The following MYCBPAP variants were observed in gnomAD, a reference collection of about 807,000 sequenced individuals.
The protein encoded by MYCBPAP is MYCBP-associated protein.
In MYCBPAP, 60 loss-of-function variants were observed where a neutral mutation model predicts 106.1. The ratio of observed to expected loss-of-function variants is 0.57; its 90% CI spans 0.46 to 0.70. The LOEUF is 0.70. Among genes scored for constraint, MYCBPAP ranks in the 30% least tolerant of loss-of-function variants. The pLI, the probability that MYCBPAP is intolerant of heterozygous loss-of-function variation, is 0.00. For synonymous variants in MYCBPAP, 407 were observed against 440.6 expected (o/e 0.92, Z 0.95); for missense variants, 1,064 against 1,169.3 (o/e 0.91, Z 1.31).
chr17:50,509,387 T>G (rs1421404589), intron 1 of MYCBPAP: 4 of 474,522 alleles, frequency 8.4e-6, no homozygotes, highest in Non-Finnish European at 1.5e-5. Flanking sequence ...CTCTACAGCT[T>G]TCTTCTGGTT....
Position 50,526,255 on chromosome 17 carries a change from G to A in MYCBPAP, c.2157G>A (p.Glu719=), listed in dbSNP as rs750871422. 7 of 1,605,372 alleles carry A rather than the reference G, an allele frequency of 4.4e-6. No individual in the cohort carries two copies. The East Asian group carries it at 8.9e-5, about 20-fold the overall frequency. ...LPLLEWNLCL[E]DFRKAVMVLP... is the part of the protein sequence containing the mutation. ...TGCTGGAGTGGAACCTCTGCTTGGAGGACTTCAGAAAGGTGCTTCCAAGAC... is the reference window on the plus strand; with the variant it reads ...TGCTGGAGTGGAACCTCTGCTTGGAAGACTTCAGAAAGGTGCTTCCAAGAC... The change falls in exon 14 of 19, where the codon GAG becomes GAA. Residue 719 remains glutamate (E), a synonymous_variant. Transcript: ENST00000323776.
intron 13 of MYCBPAP, 183 bp downstream of exon 13, chr17:50,525,206 G>A (rs753226369): frequency 9.6e-6 from 6 of 626,198 alleles, no homozygotes; most frequent in South Asian, 6.3e-5. Context: ...TGTGAACTGC[G>A]CATGCGAGGG....
intron 7 of MYCBPAP, 192 bp from the exon 8 acceptor site, chr17:50,520,918 T>G (rs1460214): frequency 0.75 from 416,787 of 555,468 alleles, 157,892 homozygotes; most frequent in East Asian, 0.9. Flanking sequence ...AGCTAATTTT[T>G]CAGGAGTCTT....
At chr17:50,508,148 C>T (rs1051107765), upstream of MYCBPAP, among the ~76,000 whole-genome samples, 67 of 152,312 alleles carry the variant, frequency 4.4e-4, 1 homozygote, top group African/African-American at 1.6e-3. Context: ...CCGATCCCCC[C>T]CCAGAACCGC....
At chr17:50,512,947 T>G (rs2033909095) in intron 1 of MYCBPAP, among the ~76,000 whole-genome samples, 1 of 152,140 alleles carries the variant, frequency 6.6e-6, no homozygotes, top group Non-Finnish European at 1.5e-5. Flanking sequence ...CCGGGTGCGG[T>G]GGCTCATGCC....
chr17:50,524,728 G>GTA (rs2034394110), intron 12 of MYCBPAP, 149 bp from the exon 13 acceptor site: 9 of 604,312 alleles, frequency 1.5e-5, no homozygotes, highest in Non-Finnish European at 2.5e-5. Flanking sequence ...GTGTGTGTGT[G>GTA]TGTGTGTGTG....
intron 1 of MYCBPAP, chr17:50,515,936 G>A (rs2034034088): frequency 6.6e-6 from 1 of 152,468 alleles, no homozygotes; most frequent in Non-Finnish European, 1.5e-5. Flanking sequence ...GCTTCTCAAA[G>A]TGTTGGGATT....
At chr17:50,511,882 CCGGTCCATCTGGCT>C (rs1342797499) in intron 1 of MYCBPAP, among the ~76,000 whole-genome samples, 1 of 152,126 alleles carries the variant, frequency 6.6e-6, no homozygotes, top group Non-Finnish European at 1.5e-5. Flanking sequence ...CTCTGCCTCT[CCGGTCCATCTGGCT>C]CTCTTCATCT....
At chr17:50,522,709 A>AAAAAATATATAT in intron 10 of MYCBPAP, 8 of 50,042 alleles carry the variant, frequency 1.6e-4, no homozygotes, top group African/African-American at 4.8e-4. Context: ...AAAAAAAAAA[A>AAAAAATATATAT]ATATATATAT....
At chr17:50,518,818 G>A (rs2034149321) in intron 5 of MYCBPAP, 94 bp downstream of exon 5, 2 of 1,517,660 alleles carry the variant, frequency 1.3e-6, no homozygotes. Flanking sequence ...GCCTTGGGCT[G>A]ACCACATTTG....
chr17:50,527,802 G>A lies in MYCBPAP; in HGVS notation c.2292-353G>A, dbSNP rs564662088. ...GTGGGGTCCTTTTCAAGGCCCTCAG[G>A]ACAAGCCCCAGGAGCCTTATGCTGG... On this transcript the variant is annotated intron_variant, in intron 15 of 18. Transcript: ENST00000323776. Among the ~76,000 whole-genome samples the A allele has an allele frequency of 9.4e-4, 143 of 152,216 alleles. No individual in the cohort carries two copies. In the Middle Eastern group the frequency reaches 0.031, roughly 33 times the overall value.
chr17:50,510,137 G>C (rs2033773821), intron 1 of MYCBPAP: 1 of 152,194 alleles, frequency 6.6e-6, no homozygotes, highest in Non-Finnish European at 1.5e-5. Context: ...CAGCCTCAGA[G>C]TTGTGAAAGC....
intron 14 of MYCBPAP, 147 bp from the exon 15 acceptor site, chr17:50,527,140 C>G (rs1278382090): frequency 8.9e-7 from 1 of 1,120,720 alleles, no homozygotes; most frequent in African/African-American, 1.6e-5. Flanking sequence ...GTCCCTGGCT[C>G]CCACCAAAGG....
At chr17:50,514,583 C>G (rs371454736) in intron 1 of MYCBPAP, among the ~76,000 whole-genome samples, 1 of 151,982 alleles carries the variant, frequency 6.6e-6, no homozygotes, top group Non-Finnish European at 1.5e-5. Flanking sequence ...CCTTCTGCCC[C>G]GGGTGTTGTC....
chr17:50,513,993 C>G (rs2033952985), intron 1 of MYCBPAP, among the ~76,000 whole-genome samples: 1 of 152,228 alleles, frequency 6.6e-6, no homozygotes. Flanking sequence ...CAAACCTCTG[C>G]TGACCCCATT....
chr17:50,520,057 C>T (rs540452800), intron 7 of MYCBPAP: 107 of 365,220 alleles, frequency 2.9e-4, no homozygotes, highest in African/African-American at 2.0e-3. Context: ...CGCTGGTGAG[C>T]GCCTGGATCG....
chr17:50,518,132 C>T (rs1417377687), intron 4 of MYCBPAP, among the ~76,000 whole-genome samples: 1 of 152,256 alleles, frequency 6.6e-6, no homozygotes, highest in Non-Finnish European at 1.5e-5. Flanking sequence ...CTGTATCTTT[C>T]CAGCCTTCCC....
Position 50,521,334 on chromosome 17 carries a change from G to A in MYCBPAP, c.1051G>A (p.Val351Met). 1.2e-6 allele frequency: 2 copies of A among 1,604,504 alleles called. No individual in the cohort carries two copies. The highest frequency in any genetic ancestry group is 1.7e-6 in the Non-Finnish European group (2 of 1,174,922). ...FSQQDIDGLE[V>M]VGKGWPFSAV... ...CTCGGAGGATATTGATGGCCTGGAG[G>A]TGGTGGGCAAAGGGTGGCCCTTCTC... The change falls in exon 9 of 19, where the codon GTG becomes ATG. Residue 351 changes from valine (V) to methionine (M), a missense_variant. Physicochemically the swap from Val to Met is conservative, Grantham distance 21. Transcript: ENST00000323776.
chr17:50,510,491 G>GTCTATA (rs1470026068), intron 1 of MYCBPAP: 43 of 113,818 alleles, frequency 3.8e-4, no homozygotes, highest in African/African-American at 1.2e-3. Flanking sequence ...GTGTGTGTGT[G>GTCTATA]TGTGTGTGTA....
Sources: allele counts gnomAD v4.1 joint callset (sites outside exome capture counted in the v4.1 genomes callset), GRCh38; gene constraint gnomAD v4.1.1; transcripts MANE v1.5; gene names NCBI Gene and HGNC (gene_info 2026-07-23, HGNC 2026-07-21).